MACROD2: variants seen among roughly 807,000 people sequenced by gnomAD.
The protein encoded by MACROD2 is mono-ADP ribosylhydrolase 2, also known as ADP-ribose glycohydrolase MACROD2.
Under a neutral mutation model 70.4 loss-of-function variants are expected in MACROD2, and 36 were observed. The observed-to-expected ratio is 0.51, with a 90% confidence interval of 0.39 to 0.68. MACROD2 has a LOEUF of 0.68. Among genes scored for constraint, MACROD2 ranks in the 30% least tolerant of loss-of-function variants. The pLI is 0.00. For missense variants in MACROD2, 496 were observed against 538.4 expected (o/e 0.92, Z 0.78); for synonymous variants, 172 against 178.8 (o/e 0.96, Z 0.30).
intron 8 of MACROD2, among the ~76,000 whole-genome samples, chr20:15,715,306 C>T (rs907225798): frequency 1.6e-4 from 25 of 152,154 alleles, no homozygotes; most frequent in African/African-American, 4.8e-4. Flanking sequence ...TGTCAGCAAA[C>T]GTGTATTTCC....
At chr20:14,348,004 G>C (rs918858946) in intron 3 of MACROD2, among the ~76,000 whole-genome samples, 3 of 152,182 alleles carry the variant, frequency 2.0e-5, no homozygotes, top group Non-Finnish European at 1.5e-5. Flanking sequence ...GCTTACACCT[G>C]TAATCCCAGC....
At position 15,638,069 on chromosome 20, in the gene MACROD2, A is replaced by G. The variant is rs531081035; in HGVS notation, c.645+138222A>G. On this transcript the variant is annotated intron_variant, in intron 8 of 17. Transcript: ENST00000684519. ...AGGCTTGTGTTGATTGAGTTAAAGC[A>G]TGTGTTCTAACTGAGCTCCCTTGGA... Among the ~76,000 whole-genome samples, 41 of 152,200 alleles carry G rather than the reference A, an allele frequency of 2.7e-4. No individual in the cohort carries two copies. In the South Asian group the frequency reaches 8.3e-3, roughly 31 times the overall value.
chr20:14,867,126 G>A (rs558366563), intron 5 of MACROD2, among the ~76,000 whole-genome samples: 1 of 152,176 alleles, frequency 6.6e-6, no homozygotes, highest in African/African-American at 2.4e-5. Flanking sequence ...TTTCTAAAAA[G>A]CCCCATTCTA....
intron 4 of MACROD2, among the ~76,000 whole-genome samples, chr20:14,560,696 A>G (rs1350188157): frequency 6.6e-6 from 1 of 151,882 alleles, no homozygotes; most frequent in Non-Finnish European, 1.5e-5. Flanking sequence ...TATGAACATA[A>G]GAGTTTATCA....
intron 3 of MACROD2, among the ~76,000 whole-genome samples, chr20:14,463,569 T>A (rs2123024045): frequency 6.6e-6 from 1 of 152,162 alleles, no homozygotes; most frequent in Admixed American, 6.5e-5. Flanking sequence ...CTTCCAACAC[T>A]ATGTTGAATA....
chr20:15,427,600 A>T (rs2046315409), intron 6 of MACROD2, among the ~76,000 whole-genome samples: 1 of 152,124 alleles, frequency 6.6e-6, no homozygotes, highest in Admixed American at 6.6e-5. Context: ...CTGGATGTAG[A>T]CCCAATGATG....
chr20:14,518,875 C>A (rs1240978030), intron 4 of MACROD2, among the ~76,000 whole-genome samples: 2 of 152,076 alleles, frequency 1.3e-5, no homozygotes, highest in Non-Finnish European at 2.9e-5. Context: ...ACAGGAAAGG[C>A]TTTTTGAAAA....
intron 3 of MACROD2, 125 bp from the exon 4 acceptor site, chr20:14,493,354 T>C: frequency 1.7e-6 from 1 of 588,212 alleles, no homozygotes. Context: ...TGAAAGTAAA[T>C]ATTTTGTGTT....
chr20:14,101,980 TC>T (rs1344609821), intron 3 of MACROD2, among the ~76,000 whole-genome samples: 2 of 150,038 alleles, frequency 1.3e-5, no homozygotes, highest in Non-Finnish European at 3.0e-5. Context: ...AATTTGGATG[TC>T]TTTTAATGAG....
At chr20:15,882,092 T>C (rs1475047054) in intron 9 of MACROD2, among the ~76,000 whole-genome samples, 1 of 152,140 alleles carries the variant, frequency 6.6e-6, no homozygotes, top group Non-Finnish European at 1.5e-5. Flanking sequence ...TATATGTTAC[T>C]TGGAGGCCAA....
intron 9 of MACROD2, among the ~76,000 whole-genome samples, chr20:15,879,472 G>A (rs1212235366): frequency 6.6e-6 from 1 of 152,088 alleles, no homozygotes. Flanking sequence ...CACATTAGGT[G>A]CTTTGTAGAG....
chr20:15,605,704 G>A (rs2048884203), intron 8 of MACROD2, among the ~76,000 whole-genome samples: 1 of 152,110 alleles, frequency 6.6e-6, no homozygotes, highest in African/African-American at 2.4e-5. Flanking sequence ...TAATTTAGAA[G>A]CAGTAGTTCT....
At position 14,470,149 on chromosome 20, in the gene MACROD2, C is replaced by T. The variant is rs941230860; in HGVS notation, c.272-23330C>T. Among the ~76,000 whole-genome samples, 3 of 152,058 alleles carry T rather than the reference C, an allele frequency of 2.0e-5. No individual in the cohort carries two copies. The East Asian group carries it at 5.8e-4, about 30-fold the overall frequency. ...CCTTTTTGTTGATGTTCATGCTATT[C>T]CTTTCTGTTTGTTAGTTTTCCTTCT... is the stretch of plus-strand genomic sequence containing the variant. On this transcript the variant is annotated intron_variant, in intron 3 of 17. Transcript: ENST00000684519.
chr20:14,090,302 C>T (rs1412322470), intron 3 of MACROD2, among the ~76,000 whole-genome samples: 4 of 151,460 alleles, frequency 2.6e-5, no homozygotes, highest in African/African-American at 7.3e-5. Flanking sequence ...TGGCCGGGCA[C>T]GGTAGCTCAC....
At chr20:14,224,558 A>C (rs2081714579) in intron 3 of MACROD2, among the ~76,000 whole-genome samples, 1 of 152,144 alleles carries the variant, frequency 6.6e-6, no homozygotes, top group Non-Finnish European at 1.5e-5. Flanking sequence ...TTAGGGGGCC[A>C]TTAGTGTCCT....
At chr20:15,433,459 C>CAAAAAAAA (rs60298297) in intron 7 of MACROD2, among the ~76,000 whole-genome samples, 40 of 88,238 alleles carry the variant, frequency 4.5e-4, no homozygotes, top group Non-Finnish European at 5.6e-4. Flanking sequence ...ACAAGAGCTG[C>CAAAAAAAA]AAAAAAAAAA....
chr20:15,032,702 T>C (rs1404690434), intron 5 of MACROD2, among the ~76,000 whole-genome samples: 2 of 152,232 alleles, frequency 1.3e-5, no homozygotes, highest in African/African-American at 4.8e-5. Context: ...AATTGCTACA[T>C]GATCTACCAA....
intron 5 of MACROD2, among the ~76,000 whole-genome samples, chr20:14,694,979 C>T (rs966737464): frequency 2.6e-5 from 4 of 152,098 alleles, no homozygotes; most frequent in East Asian, 1.9e-4. Context: ...TTCTAGCAAA[C>T]GGAGTATGTC....
chr20:14,698,466 G>A (rs962878703), intron 5 of MACROD2, among the ~76,000 whole-genome samples: 7 of 152,142 alleles, frequency 4.6e-5, no homozygotes, highest in Non-Finnish European at 7.4e-5. Flanking sequence ...ACTGAACATG[G>A]TTAGCTGTTT....
Sources: allele counts gnomAD v4.1 joint callset (sites outside exome capture counted in the v4.1 genomes callset), GRCh38; gene constraint gnomAD v4.1.1; transcripts MANE v1.5; gene names NCBI Gene and HGNC (gene_info 2026-07-23, HGNC 2026-07-21).